ARHGAP11B: variants seen among roughly 807,000 people sequenced by gnomAD.
ARHGAP11B encodes the protein Rho GTPase activating protein 11B, also known as inactive Rho GTPase-activating protein 11B.
Under a neutral mutation model 27.6 loss-of-function variants are expected in ARHGAP11B, and 14 were observed. The ratio of observed to expected loss-of-function variants is 0.51; its 90% CI spans 0.34 to 0.79. The LOEUF is 0.79. Among genes scored for constraint, ARHGAP11B ranks in the 30% least tolerant of loss-of-function variants. The pLI is 0.02. For synonymous variants in ARHGAP11B, 82 were observed against 114.1 expected (o/e 0.72, Z 1.80); for missense variants, 245 against 320.1 (o/e 0.77, Z 1.79).
At chr15:30,637,530 C>T (rs1274338530) in intron 6 of ARHGAP11B, among the ~76,000 whole-genome samples, 1 of 151,986 alleles carries the variant, frequency 6.6e-6, no homozygotes, top group African/African-American at 2.4e-5. Context: ...GTCAGGAGAT[C>T]GAGACCATCC....
chr15:30,634,862 C>CTT lies in ARHGAP11B; in HGVS notation c.552-217_552-216insTT, dbSNP rs531227407. On this transcript the variant is annotated intron_variant, in intron 4 of 10. Coordinates refer to ENST00000428041, the Ensembl canonical transcript of ARHGAP11B. ...TGTGTGGAAAAGCAAAGTATGAACT[C>CTT]TAAGATTAGCATGGTTTTTAGAATA... 6.3e-3 allele frequency among the ~76,000 whole-genome samples: 960 copies of CTT among 151,258 alleles called. 7 individuals carry two copies. The highest frequency in any genetic ancestry group is 0.022 in the African/African-American group (919 of 41,234).
chr15:30,644,073 G>C (rs1376891921), intron 7 of ARHGAP11B, among the ~76,000 whole-genome samples: 1 of 151,648 alleles, frequency 6.6e-6, no homozygotes, highest in African/African-American at 2.4e-5. Context: ...TGTAAACCCA[G>C]TGCCAACTAT....
chr15:30,641,040 T>C (rs916527838), intron 7 of ARHGAP11B, among the ~76,000 whole-genome samples: 15 of 151,864 alleles, frequency 9.9e-5, no homozygotes, highest in African/African-American at 3.4e-4. Flanking sequence ...GATTCCTTCT[T>C]CTCCTCCTCC....
At chr15:30,627,444 C>T (rs910193887) in intron 1 of ARHGAP11B, among the ~76,000 whole-genome samples, 18 of 151,990 alleles carry the variant, frequency 1.2e-4, no homozygotes, top group Non-Finnish European at 1.8e-4. Flanking sequence ...AGTGCATTTT[C>T]TACATGAATC....
chr15:30,629,237 A>T (rs1026079564), intron 1 of ARHGAP11B, among the ~76,000 whole-genome samples: 2 of 152,020 alleles, frequency 1.3e-5, no homozygotes, highest in Non-Finnish European at 2.9e-5. Context: ...TAAGTACAAG[A>T]GTTAAGATGT....
At chr15:30,633,463 A>G in intron 2 of ARHGAP11B, 27 bp from the exon 3 acceptor site, 1 of 1,591,388 alleles carries the variant, frequency 6.3e-7, no homozygotes, top group South Asian at 1.1e-5. Flanking sequence ...ATGTATGTCT[A>G]GCCACCTGAA....
At chr15:30,641,791 A>G (rs866963388) in intron 7 of ARHGAP11B, among the ~76,000 whole-genome samples, 1 of 151,856 alleles carries the variant, frequency 6.6e-6, no homozygotes, top group Non-Finnish European at 1.5e-5. Context: ...ATCTTGGCTC[A>G]CTACAACATC....
At chr15:30,646,864 G>A (rs148203289) in intron 9 of ARHGAP11B, among the ~76,000 whole-genome samples, 2 of 151,836 alleles carry the variant, frequency 1.3e-5, no homozygotes, top group Non-Finnish European at 2.9e-5. Flanking sequence ...AGCTACTGGC[G>A]AGGCTGAGGC....
chr15:30,627,801 G>A (rs1474382614), intron 1 of ARHGAP11B, among the ~76,000 whole-genome samples: 1 of 151,884 alleles, frequency 6.6e-6, no homozygotes, highest in Non-Finnish European at 1.5e-5. Context: ...GTTAATATAC[G>A]TTGCTTTTAA....
chr15:30,634,705 T>C (rs1197847290), intron 4 of ARHGAP11B, among the ~76,000 whole-genome samples: 2 of 151,702 alleles, frequency 1.3e-5, no homozygotes, highest in African/African-American at 4.8e-5. Flanking sequence ...TTTTAAAATA[T>C]TTCTGTTTTG....
chr15:30,630,787 G>C lies in ARHGAP11B; in HGVS notation c.200+14G>C, dbSNP rs1323770986. On this transcript the variant is annotated intron_variant, in intron 2 of 10. Coordinates refer to ENST00000428041, the Ensembl canonical transcript of ARHGAP11B. ...ACACATTCCAAGGTAAGCAGAGTTT[G>C]AAATGAAGAAGGCCGGGTGCAGTGG... is the stretch of plus-strand genomic sequence containing the variant. 1 of 1,602,280 alleles carries C rather than the reference G, an allele frequency of 6.2e-7. No homozygotes were observed. The highest frequency in any genetic ancestry group is 8.5e-7 in the Non-Finnish European group (1 of 1,175,228).
intron 1 of ARHGAP11B, among the ~76,000 whole-genome samples, chr15:30,628,422 G>A (rs1463210919): frequency 1.3e-5 from 2 of 152,018 alleles, no homozygotes; most frequent in African/African-American, 4.8e-5. Context: ...TGTTTTCAGA[G>A]TCGGATAGAC....
chr15:30,644,546 C>T, intron 7 of ARHGAP11B: 2 of 680,452 alleles, frequency 2.9e-6, no homozygotes, highest in East Asian at 2.7e-5. Context: ...CTTTTTTTGT[C>T]CTCATTGATT....
At chr15:30,644,829 A>G in intron 8 of ARHGAP11B, 2 of 885,652 alleles carry the variant, frequency 2.3e-6, no homozygotes, top group Non-Finnish European at 1.8e-6. Context: ...AATTGGTTAT[A>G]TTCTTGGGTC....
At chr15:30,633,697 G>A in intron 3 of ARHGAP11B, 111 bp downstream of exon 3, 1 of 892,628 alleles carries the variant, frequency 1.1e-6, no homozygotes, top group Non-Finnish European at 1.6e-6. Context: ...AATTGAATTT[G>A]CATTTTTTTC....
chr15:30,635,181 A>C (rs1448051866), exon 5 of ARHGAP11B: 1 of 1,613,284 alleles, frequency 6.2e-7, no homozygotes, highest in South Asian at 1.1e-5. Flanking sequence ...TCTAACGCAG[A>C]AAAGAAGGTA....
intron 8 of ARHGAP11B, chr15:30,646,055 A>G: frequency 2.6e-6 from 1 of 391,530 alleles, no homozygotes; most frequent in Non-Finnish European, 3.7e-6. Context: ...TTCTCATGTA[A>G]TGTTTCCAGC....
In ARHGAP11B at chr15:30,644,720, T is replaced by G. The variant is rs1206967619; in HGVS notation, c.*142+18T>G. Reference sequence around the variant, plus strand: ...ATTTTCAGGTAGGATCATAAAGGACTTATCGAACATGTAGACTGTCTGTAT... The same window carrying G: ...ATTTTCAGGTAGGATCATAAAGGACGTATCGAACATGTAGACTGTCTGTAT... On this transcript the variant is annotated intron_variant, in intron 8 of 10. Transcript: ENST00000428041. 5 of 1,497,772 alleles carry G rather than the reference T, an allele frequency of 3.3e-6. No individual in the cohort carries two copies. In the East Asian group the frequency reaches 1.1e-4, roughly 34 times the overall value. 92.8% of individuals were successfully genotyped at this position (1,497,772 alleles called of 1,614,324 possible).
chr15:30,643,107 C>T (rs1212117957), intron 7 of ARHGAP11B, among the ~76,000 whole-genome samples: 1 of 151,878 alleles, frequency 6.6e-6, no homozygotes, highest in African/African-American at 2.4e-5. Context: ...ACTAAACTAT[C>T]AAATTTATTT....
Sources: gnomAD v4.1 joint callset for allele counts (sites outside exome capture counted in the v4.1 genomes callset) on GRCh38, gnomAD v4.1.1 for gene constraint, MANE v1.5 for transcripts, NCBI Gene and HGNC (gene_info 2026-07-23, HGNC 2026-07-21) for gene names.